Variants in NUS1 observed in about 807,000 individuals in gnomAD.
The protein encoded by NUS1 is dehydrodolichyl diphosphate synthase complex subunit NUS1.
For synonymous variants in NUS1, 135 were observed against 155.2 expected, an observed-to-expected ratio of 0.87 and a Z score of 0.97; for missense variants, 292 against 382.9, an observed-to-expected ratio of 0.76 and a Z score of 1.98.
rs114875222 is a variant in NUS1, at chr6:117,701,735, C to A, written c.692-1870C>A. 4.3e-3 allele frequency among the ~76,000 whole-genome samples: 650 copies of A among 151,994 alleles called. 2 individuals carry two copies. Among genetic ancestry groups the A allele is most frequent in the African/African-American group, 0.015 (607 of 41,458 alleles). On this transcript the variant is annotated intron_variant, in intron 3 of 4. Coordinates refer to ENST00000368494, the MANE Select transcript of NUS1 (RefSeq NM_138459.5). ...ATTGATTTTATATCCTGCAACCTTC[C>A]TAAGATACAAGTTCACCTAATCTAG...
chr6:117,682,527 G>A (rs564162038), intron 1 of NUS1, among the ~76,000 whole-genome samples: 4 of 152,318 alleles, frequency 2.6e-5, no homozygotes, highest in Admixed American at 2.6e-4. Flanking sequence ...CTTGAGTCCT[G>A]GAGGTTGGGG....
At chr6:117,699,102 T>A (rs57851835) in intron 3 of NUS1, among the ~76,000 whole-genome samples, 9,768 of 152,200 alleles carry the variant, frequency 0.064, 359 homozygotes, top group African/African-American at 0.092. Context: ...AACACAAGGA[T>A]GCCACTTTCA....
intron 3 of NUS1, among the ~76,000 whole-genome samples, chr6:117,698,820 C>T (rs141187313): frequency 0.019 from 2,936 of 152,056 alleles, 49 homozygotes; most frequent in Middle Eastern, 0.088. Context: ...AGACGATGAC[C>T]AAGTGGGATT....
chr6:117,693,276 C>CT (rs920250523), intron 2 of NUS1, 109 bp downstream of exon 2: 33 of 1,131,282 alleles, frequency 2.9e-5, no homozygotes, highest in Non-Finnish European at 4.0e-5. Flanking sequence ...CTCTGTTACT[C>CT]TTTATTGTCA....
intron 1 of NUS1, among the ~76,000 whole-genome samples, chr6:117,677,665 A>T (rs936904618): frequency 5.3e-5 from 8 of 152,242 alleles, no homozygotes; most frequent in African/African-American, 1.9e-4. Context: ...TCTTTCCTGC[A>T]GCCCGCAAGG....
intron 1 of NUS1, among the ~76,000 whole-genome samples, chr6:117,687,320 T>C (rs554887756): frequency 6.6e-6 from 1 of 152,328 alleles, no homozygotes; most frequent in East Asian, 1.9e-4. Context: ...TTCAGTTGAT[T>C]AAATAAACAT....
chr6:117,684,690 T>TC (rs1195840380), intron 1 of NUS1, among the ~76,000 whole-genome samples: 1 of 152,244 alleles, frequency 6.6e-6, no homozygotes, highest in Non-Finnish European at 1.5e-5. Context: ...GTCCATATGA[T>TC]ACTCTACTTT....
chr6:117,686,852 ATGTGTGTGTGTG>A (rs56080181), intron 1 of NUS1, among the ~76,000 whole-genome samples: 2,725 of 139,352 alleles, frequency 0.02, 38 homozygotes, highest in African/African-American at 0.042. Flanking sequence ...TGAAGTGTGT[ATGTGTGTGTGTG>A]TGTGTGTGTG....
chr6:117,697,695 G>T lies in NUS1; in HGVS notation c.691+3515G>T, dbSNP rs536647674. The stretch of plus-strand genomic sequence containing the variant: ...AGAGCTAAAGAAAGAGAGAGAGAGA[G>T]ACCCCAATACAATAATAGCTGGAGA... On this transcript the variant is annotated intron_variant, in intron 3 of 4. Coordinates refer to ENST00000368494, the MANE Select transcript of NUS1 (RefSeq NM_138459.5). Among the ~76,000 whole-genome samples the T allele has an allele frequency of 8.0e-4, 120 of 150,852 alleles. 1 individual carries two copies. The South Asian group carries it at 8.6e-3, about 11-fold the overall frequency.
chr6:117,697,585 G>T (rs187104567), intron 3 of NUS1, among the ~76,000 whole-genome samples: 10 of 151,788 alleles, frequency 6.6e-5, no homozygotes, highest in African/African-American at 2.2e-4. Flanking sequence ...GTGATAAAGG[G>T]GTCATTTTAG....
chr6:117,706,898 T>G, intron 4 of NUS1, 27 bp from the exon 5 acceptor site: 1 of 1,590,320 alleles, frequency 6.3e-7, no homozygotes, highest in Middle Eastern at 1.7e-4. Context: ...ATCTAATTGC[T>G]TTTCTCCCCC....
chr6:117,675,968 C>T lies in NUS1; in HGVS notation c.298C>T (p.His100Tyr). 1 of 1,549,178 alleles carries T rather than the reference C, an allele frequency of 6.5e-7. No homozygotes were observed. The highest frequency in any genetic ancestry group is 8.7e-7 in the Non-Finnish European group (1 of 1,146,626). The change falls in exon 1 of 5, where the codon CAT becomes TAT. Residue 100 changes from histidine (H) to tyrosine (Y), a missense_variant. Physicochemically the swap from His to Tyr is moderately conservative, Grantham distance 83 (BLOSUM62 2). Transcript: ENST00000368494. Reference protein sequence around the residue: ...DGRSLEKLPVHMGLVITEVEQ... With the variant: ...DGRSLEKLPVYMGLVITEVEQ... ...TCGTTCCTTGGAGAAGCTGCCTGTGCATATGGGCCTGGTGATCACCGAGGT... is the reference window on the plus strand; with the variant it reads ...TCGTTCCTTGGAGAAGCTGCCTGTGTATATGGGCCTGGTGATCACCGAGGT...
chr6:117,705,537 C>T (rs149509143), intron 4 of NUS1, among the ~76,000 whole-genome samples: 40 of 152,252 alleles, frequency 2.6e-4, no homozygotes, highest in Admixed American at 6.5e-4. Flanking sequence ...AGCTATATCA[C>T]ATTATACTGA....
chr6:117,685,059 A>G (rs1335603148), intron 1 of NUS1, among the ~76,000 whole-genome samples: 1 of 152,244 alleles, frequency 6.6e-6, no homozygotes, highest in Non-Finnish European at 1.5e-5. Context: ...TTATTATCTA[A>G]ACATTGAACA....
chr6:117,700,496 G>T (rs1773391288), intron 3 of NUS1, among the ~76,000 whole-genome samples: 1 of 152,212 alleles, frequency 6.6e-6, no homozygotes, highest in South Asian at 2.1e-4. Context: ...TAACGAGGAT[G>T]TGGAGAAAGG....
intron 1 of NUS1, among the ~76,000 whole-genome samples, chr6:117,690,300 G>A (rs186380679): frequency 8.8e-5 from 13 of 148,260 alleles, no homozygotes; most frequent in African/African-American, 2.9e-4. Context: ...GCATTCATAC[G>A]TAGTGCCATC....
At chr6:117,691,664 ATATT>A (rs1210948154) in intron 1 of NUS1, among the ~76,000 whole-genome samples, 2 of 147,104 alleles carry the variant, frequency 1.4e-5, no homozygotes, top group Admixed American at 1.4e-4. Context: ...TATATTATAT[ATATT>A]TAATATTTAT....
rs1160247832 is a variant in NUS1 at position 117,706,919 on chromosome 6, T to C, written c.792-6T>C. 1 of 1,611,606 alleles carries C rather than the reference T, an allele frequency of 6.2e-7. No homozygotes were observed. Among genetic ancestry groups the C allele is most frequent in the Non-Finnish European group, 8.5e-7 (1 of 1,177,982 alleles). On this transcript the variant is annotated splice_region_variant and splice_polypyrimidine_tract_variant and intron_variant, in intron 4 of 4. Transcript: ENST00000368494. ...TTGCTTTTCTCCCCCCGTGTTTTCT[T>C]TTCAGCTCTTTGCCTTCCCACCTAA...
At chr6:117,704,585 C>T (rs1773475532) in intron 4 of NUS1, among the ~76,000 whole-genome samples, 1 of 152,138 alleles carries the variant, frequency 6.6e-6, no homozygotes. Flanking sequence ...GCTGTATTTG[C>T]TGACCCCTAA....
Sources: allele counts gnomAD v4.1 joint callset (sites outside exome capture counted in the v4.1 genomes callset), GRCh38; gene constraint gnomAD v4.1.1; transcripts MANE v1.5; gene names NCBI Gene and HGNC (gene_info 2026-07-23, HGNC 2026-07-21).